The following SLIT2 variants were observed in gnomAD, a reference collection of about 807,000 sequenced individuals.
SLIT2 encodes the protein slit homolog 2 protein.
A neutral mutation model predicts 185.7 loss-of-function variants in SLIT2; 41 were observed. That is an observed-to-expected ratio of 0.22 (90% CI 0.17 to 0.29). SLIT2 has a LOEUF of 0.29. SLIT2 is among the 10% of genes least tolerant of loss of function. The pLI is 1.00. For missense variants in SLIT2, 1,571 were observed against 1,909.0 expected (o/e 0.82, Z 3.30); for synonymous variants, 693 against 680.2 (o/e 1.02, Z -0.29).
At chr4:20,439,190 A>G (rs923974016) in intron 4 of SLIT2, among the ~76,000 whole-genome samples, 18 of 152,212 alleles carry the variant, frequency 1.2e-4, no homozygotes, top group African/African-American at 3.9e-4. Context: ...CGAGGTATTA[A>G]TTATATCTTA....
chr4:20,614,700 C>T (rs958765214), intron 34 of SLIT2, among the ~76,000 whole-genome samples: 4 of 151,594 alleles, frequency 2.6e-5, no homozygotes, highest in Admixed American at 6.6e-5. Flanking sequence ...TCGCTTGAAC[C>T]CAGGAGGCGG....
At chr4:20,563,601 T>A (rs1724866312) in intron 26 of SLIT2, among the ~76,000 whole-genome samples, 1 of 151,712 alleles carries the variant, frequency 6.6e-6, no homozygotes, top group Non-Finnish European at 1.5e-5. Flanking sequence ...TTCCTAATAG[T>A]CCCTGTAGTT....
chr4:20,374,925 C>G (rs115419177), intron 4 of SLIT2, among the ~76,000 whole-genome samples: 2,431 of 152,094 alleles, frequency 0.016, 58 homozygotes, highest in African/African-American at 0.054. Flanking sequence ...AGAGTTGAAA[C>G]CTGTCAACAT....
intron 4 of SLIT2, among the ~76,000 whole-genome samples, chr4:20,456,516 A>G (rs769136053): frequency 6.6e-6 from 1 of 152,126 alleles, no homozygotes; most frequent in African/African-American, 2.4e-5. Context: ...TTATTTACAC[A>G]TGCATTCCAT....
At position 20,353,759 on chromosome 4, in the gene SLIT2, G is replaced by T. The variant is rs1205204471; in HGVS notation, c.395+84878G>T. Among the ~76,000 whole-genome samples the T allele has an allele frequency of 2.0e-5, 3 of 152,152 alleles. 1 individual carries two copies. The highest frequency in any genetic ancestry group is 4.4e-5 in the Non-Finnish European group (3 of 68,032). ...ACTCTTTTTTGTGCCAGACAAGGAA[G>T]TGACTTTCTTTAGAAAAGAGGATTA... On this transcript the variant is annotated intron_variant, in intron 4 of 36. Coordinates refer to ENST00000504154, the MANE Select transcript of SLIT2 (RefSeq NM_004787.4).
rs555759300 is a variant in SLIT2 at position 20,374,641 on chromosome 4, T to C, written c.396-93111T>C. Among the ~76,000 whole-genome samples the C allele has an allele frequency of 5.7e-4, 87 of 152,150 alleles. No individual in the cohort carries two copies. In the South Asian group the frequency reaches 0.015, roughly 25 times the overall value. On this transcript the variant is annotated intron_variant, in intron 4 of 36. Coordinates refer to ENST00000504154, the MANE Select transcript of SLIT2 (RefSeq NM_004787.4). The stretch of plus-strand genomic sequence containing the variant: ...TTTCCAATCTGTATTCTTTTTCCTC[T>C]TCTCTCCTTCTCTTCCCTTTCTCCT...
chr4:20,385,255 T>C (rs1724843749), intron 4 of SLIT2, among the ~76,000 whole-genome samples: 1 of 152,184 alleles, frequency 6.6e-6, no homozygotes, highest in South Asian at 2.1e-4. Context: ...TATACTAGCA[T>C]TTTATAATCT....
chr4:20,278,606 G>T (rs991223010), intron 4 of SLIT2, among the ~76,000 whole-genome samples: 1 of 151,746 alleles, frequency 6.6e-6, no homozygotes, highest in African/African-American at 2.4e-5. Context: ...CCAACCTTCT[G>T]GTTGAGTTAG....
chr4:20,577,453 T>C (rs956416424), intron 29 of SLIT2, among the ~76,000 whole-genome samples: 4 of 152,212 alleles, frequency 2.6e-5, no homozygotes, highest in Non-Finnish European at 5.9e-5. Context: ...AGCATTCCGA[T>C]TATGTACGTG....
Position 20,253,778 on chromosome 4 carries a change from G to C in SLIT2, c.-38G>C. The C allele has an allele frequency of 6.3e-7, 1 of 1,591,092 alleles. No individual in the cohort carries two copies. Among genetic ancestry groups the C allele is most frequent in the Non-Finnish European group, 8.5e-7 (1 of 1,175,244 alleles). On this transcript the variant is annotated 5_prime_UTR_variant, in exon 1 of 37. Transcript: ENST00000504154. Reference sequence around the variant, plus strand: ...CCCTCGGAGCAGCAAGCTAAAGAAAGCCCCCAGTGCCGGCGAGGAAGGAGG... The same window carrying C: ...CCCTCGGAGCAGCAAGCTAAAGAAACCCCCCAGTGCCGGCGAGGAAGGAGG...
intron 9 of SLIT2, among the ~76,000 whole-genome samples, chr4:20,498,117 C>T (rs904462397): frequency 1.3e-5 from 2 of 152,032 alleles, no homozygotes; most frequent in Admixed American, 6.6e-5. Context: ...AGGCAGCAGT[C>T]AGCCGAGATG....
chr4:20,552,809 G>A (rs1723890211), intron 25 of SLIT2: 1 of 152,146 alleles, frequency 6.6e-6, no homozygotes, highest in Non-Finnish European at 1.5e-5. Flanking sequence ...TCAGAAGTAA[G>A]CAGTTTTTAA....
chr4:20,554,057 G>T, intron 26 of SLIT2, 89 bp downstream of exon 26: 1 of 1,060,186 alleles, frequency 9.4e-7, no homozygotes, highest in Non-Finnish European at 1.4e-6. Flanking sequence ...CCAAAGGTAT[G>T]GTTGAAATGC....
intron 4 of SLIT2, among the ~76,000 whole-genome samples, chr4:20,351,809 T>A (rs1372046926): frequency 1.3e-5 from 2 of 152,200 alleles, no homozygotes; most frequent in African/African-American, 4.8e-5. Flanking sequence ...GTCTCCTGCT[T>A]AAGCAACTCA....
At chr4:20,587,238 C>T (rs1013021719) in intron 29 of SLIT2, among the ~76,000 whole-genome samples, 2 of 152,010 alleles carry the variant, frequency 1.3e-5, no homozygotes, top group Non-Finnish European at 2.9e-5. Flanking sequence ...AAGCTGGTCT[C>T]GAACTCCTGA....
chr4:20,503,423 T>G (rs1718911428), intron 9 of SLIT2, among the ~76,000 whole-genome samples: 2 of 152,186 alleles, frequency 1.3e-5, no homozygotes, highest in Non-Finnish European at 2.9e-5. Flanking sequence ...TCTAAAATTT[T>G]TGTTATTAAT....
At chr4:20,518,557 G>GTGTGTATATATATA (rs1271279922) in intron 11 of SLIT2, among the ~76,000 whole-genome samples, 13 of 17,860 alleles carry the variant, frequency 7.3e-4, no homozygotes, top group East Asian at 1.9e-3. Flanking sequence ...CAGCCTATAT[G>GTGTGTATATATATA]TATATATATA....
At chr4:20,503,762 A>C (rs1718954132) in intron 9 of SLIT2, among the ~76,000 whole-genome samples, 1 of 152,186 alleles carries the variant, frequency 6.6e-6, no homozygotes, top group Non-Finnish European at 1.5e-5. Flanking sequence ...ACACCAATTG[A>C]ATTTACACTC....
intron 4 of SLIT2, among the ~76,000 whole-genome samples, chr4:20,406,846 A>G (rs1423147311): frequency 6.6e-6 from 1 of 150,584 alleles, no homozygotes; most frequent in Admixed American, 6.7e-5. Context: ...TTGTATATCA[A>G]ACAATGTACT....
Sources: allele counts gnomAD v4.1 joint callset (sites outside exome capture counted in the v4.1 genomes callset), GRCh38; gene constraint gnomAD v4.1.1; transcripts MANE v1.5; gene names NCBI Gene and HGNC (gene_info 2026-07-23, HGNC 2026-07-21).